CNOT1: variants seen among roughly 807,000 people sequenced by gnomAD.
The protein encoded by CNOT1 is CCR4-NOT transcription complex subunit 1.
Under a neutral mutation model 273.8 loss-of-function variants are expected in CNOT1, and 15 were observed. The ratio of observed to expected loss-of-function variants is 0.05; its 90% CI spans 0.04 to 0.08. The LOEUF is 0.08. CNOT1 is among the 10% of genes least tolerant of loss of function. CNOT1 has a pLI of 1.00. For synonymous variants in CNOT1, 1,022 were observed against 1,005.5 expected, an observed-to-expected ratio of 1.02 and a Z score of -0.31; for missense variants, 1,644 against 2,912.2, an observed-to-expected ratio of 0.56 and a Z score of 10.02.
intron 3 of CNOT1, among the ~76,000 whole-genome samples, 157 bp downstream of exon 3, chr16:58,588,642 G>A (rs1045585779): frequency 2.6e-5 from 4 of 150,984 alleles, no homozygotes; most frequent in Non-Finnish European, 5.9e-5. Flanking sequence ...CAGAAGGGAC[G>A]CACAGAAAAA....
intron 30 of CNOT1, among the ~76,000 whole-genome samples, chr16:58,544,516 A>T (rs182134603): frequency 1.3e-5 from 2 of 152,278 alleles, no homozygotes; most frequent in Non-Finnish European, 2.9e-5. Flanking sequence ...AAGATGAATC[A>T]CAATTTCTGG....
Position 58,538,672 on chromosome 16 carries a change from C to G in CNOT1, c.5135+100G>C, listed in dbSNP as rs1009920706. ...TAGGAAGTCTAAGTGTCCGACCTAC[C>G]TACTAGAAAAAAGGGAAACCCCTGG... On this transcript the variant is annotated intron_variant, in intron 36 of 48. Transcript: ENST00000317147. 1.4e-5 allele frequency: 21 copies of G among 1,526,410 alleles called. No individual in the cohort carries two copies. In the Admixed American group the frequency reaches 4.1e-4, roughly 30 times the overall value. The allele number at this position is 1,526,410 out of a possible 1,614,324, so 94.6% of individuals were successfully genotyped here. A position where few individuals can be genotyped will look rare whatever the true frequency, so the allele number is the denominator to read the frequency against.
chr16:58,563,244 T>C (rs557331973), intron 16 of CNOT1, among the ~76,000 whole-genome samples: 1 of 152,334 alleles, frequency 6.6e-6, no homozygotes, highest in South Asian at 2.1e-4. Flanking sequence ...ACTTTTCTGT[T>C]TAAATATATA....
At chr16:58,617,012 T>C (rs994127491) in intron 1 of CNOT1, among the ~76,000 whole-genome samples, 32 of 152,152 alleles carry the variant, frequency 2.1e-4, no homozygotes, top group Non-Finnish European at 4.4e-5. Context: ...CATTTTGAAA[T>C]GTTTAGGTGT....
chr16:58,539,736 C>G, intron 35 of CNOT1, 32 bp downstream of exon 35: 1 of 1,576,634 alleles, frequency 6.3e-7, no homozygotes, highest in Non-Finnish European at 8.6e-7. Context: ...ACACACCTAG[C>G]ATTTTCTAAA....
chr16:58,592,554 A>G (rs2042101270), intron 2 of CNOT1, among the ~76,000 whole-genome samples: 1 of 152,188 alleles, frequency 6.6e-6, no homozygotes, highest in Admixed American at 6.5e-5. Flanking sequence ...CAGCCACTGC[A>G]TTCCAGGCTG....
intron 8 of CNOT1, 122 bp from the exon 9 acceptor site, chr16:58,583,304 G>GT (rs1453358914): frequency 1.3e-6 from 2 of 1,481,872 alleles, no homozygotes; most frequent in Admixed American, 2.5e-5. Context: ...AGGCAGAGCA[G>GT]TAAGTGTTAT....
Position 58,555,487 on chromosome 16 carries a change from T to C in CNOT1, c.2655A>G (p.Arg885=), listed in dbSNP as rs760860588. Residue 885 remains arginine (R), a synonymous_variant, in exon 21 of 49, where the codon CGA becomes CGG. Coordinates refer to ENST00000317147, the MANE Select transcript of CNOT1 (RefSeq NM_016284.5). ...TCCTTAGCATACAGTTAAATACTTC[T>C]CGTTCCCTCTTTATAGTAGAGTCTT... ...RFKDSTIKRE[R]EVFNCMLRNL... 3.1e-6 allele frequency: 5 copies of C among 1,613,940 alleles called. No homozygotes were observed. In the African/African-American group the frequency reaches 6.7e-5, roughly 22 times the overall value.
At chr16:58,564,387 T>C (rs1420932502) in intron 16 of CNOT1, among the ~76,000 whole-genome samples, 1 of 152,022 alleles carries the variant, frequency 6.6e-6, no homozygotes, top group Non-Finnish European at 1.5e-5. Context: ...TGCCATGGGT[T>C]AGAAAAACAG....
At chr16:58,554,935 C>CAAAAGAGAA (rs774456750) in intron 21 of CNOT1, among the ~76,000 whole-genome samples, 2 of 78,910 alleles carry the variant, frequency 2.5e-5, no homozygotes, top group South Asian at 1.0e-3. Context: ...GACTCCATCT[C>CAAAAGAGAA]AAAAAAAAAA....
At chr16:58,541,676 T>C in intron 33 of CNOT1, 56 bp from the exon 34 acceptor site, 2 of 1,581,852 alleles carry the variant, frequency 1.3e-6, no homozygotes, top group South Asian at 1.1e-5. Flanking sequence ...AAATAAACTG[T>C]TTTGAAAGTG....
At chr16:58,606,447 C>T (rs1236417122) in intron 1 of CNOT1, among the ~76,000 whole-genome samples, 1 of 151,994 alleles carries the variant, frequency 6.6e-6, no homozygotes, top group Non-Finnish European at 1.5e-5. Context: ...TGTACAAGGC[C>T]ATTCTCAGTA....
intron 10 of CNOT1, 52 bp from the exon 11 acceptor site, chr16:58,581,567 T>C (rs1167737243): frequency 2.0e-6 from 3 of 1,485,740 alleles, no homozygotes; most frequent in Non-Finnish European, 2.7e-6. Context: ...TATATTTTGA[T>C]ACATTATCCA....
intron 30 of CNOT1, 85 bp from the exon 31 acceptor site, chr16:58,543,988 A>G: frequency 6.8e-7 from 1 of 1,478,320 alleles, no homozygotes; most frequent in South Asian, 1.4e-5. Context: ...ATGATTTTGT[A>G]AATCAAGATT....
At chr16:58,530,413 C>T in intron 42 of CNOT1, 66 bp from the exon 43 acceptor site, 2 of 1,139,898 alleles carry the variant, frequency 1.8e-6, no homozygotes, top group South Asian at 1.4e-5. Flanking sequence ...TACAAGTCGC[C>T]CAAGCAGCTA....
At chr16:58,597,637 A>T in intron 2 of CNOT1, 1 of 449,108 alleles carries the variant, frequency 2.2e-6, no homozygotes, top group Non-Finnish European at 4.3e-6. Flanking sequence ...ACATGGAGAG[A>T]TGCTATGCCA....
chr16:58,538,111 G>A (rs760136592), intron 37 of CNOT1, 47 bp downstream of exon 37: 21 of 1,612,584 alleles, frequency 1.3e-5, no homozygotes, highest in Admixed American at 6.7e-5. Context: ...AAGAGCAAAC[G>A]TACTTCCCTG....
At chr16:58,593,262 A>T (rs1567431019) in intron 2 of CNOT1, among the ~76,000 whole-genome samples, 1 of 152,204 alleles carries the variant, frequency 6.6e-6, no homozygotes, top group African/African-American at 2.4e-5. Flanking sequence ...AGTTCCTACT[A>T]AAAATACAAA....
In CNOT1 at chr16:58,521,168, T is replaced by C. The variant is rs761529225; in HGVS notation, c.7052+15A>G. 7 of 1,612,822 alleles carry C rather than the reference T, an allele frequency of 4.3e-6. No homozygotes were observed. The East Asian group carries it at 1.3e-4, about 31-fold the overall frequency. ...AGTCTCATTCCTAGACAATTAAAAA[T>C]TACTTTGAACTCACTTTTCGATTTC... On this transcript the variant is annotated intron_variant, in intron 48 of 48. Transcript: ENST00000317147.
Sources: allele counts gnomAD v4.1 joint callset (sites outside exome capture counted in the v4.1 genomes callset), GRCh38; gene constraint gnomAD v4.1.1; transcripts MANE v1.5; gene names NCBI Gene and HGNC (gene_info 2026-07-23, HGNC 2026-07-21).